Variants in NFAT5 observed in about 807,000 individuals in gnomAD.
NFAT5 encodes nuclear factor of activated T cells 5, also known as nuclear factor of activated T-cells 5.
NFAT5 carries 31 observed loss-of-function variants against 166.5 expected under a neutral mutation model. That is an observed-to-expected ratio of 0.19 (90% CI 0.14 to 0.25). NFAT5 has a LOEUF of 0.25. Ranked by LOEUF, NFAT5 falls within the 10% of genes least tolerant of loss-of-function variation. The pLI, the probability that NFAT5 is intolerant of heterozygous loss-of-function variation, is 1.00. For missense variants in NFAT5, 1,449 were observed against 1,821.8 expected, an observed-to-expected ratio of 0.80 and a Z score of 3.72; for synonymous variants, 612 against 639.7, an observed-to-expected ratio of 0.96 and a Z score of 0.65.
intron 6 of NFAT5, among the ~76,000 whole-genome samples, chr16:69,659,145 A>T (rs79450542): frequency 0.16 from 24,351 of 149,104 alleles, 2,117 homozygotes; most frequent in East Asian, 0.36. Context: ...TTTTTTTTTT[A>T]AAAAAAAGGT....
intron 3 of NFAT5, among the ~76,000 whole-genome samples, chr16:69,642,644 C>T (rs1307212097): frequency 6.6e-6 from 1 of 151,622 alleles, no homozygotes; most frequent in Non-Finnish European, 1.5e-5. Context: ...TATGGTGAAA[C>T]TATCTCTACT....
intron 2 of NFAT5, among the ~76,000 whole-genome samples, chr16:69,618,760 C>A (rs896490222): frequency 6.6e-6 from 1 of 151,794 alleles, no homozygotes; most frequent in Admixed American, 6.6e-5. Flanking sequence ...AAAGTAAAAT[C>A]TAATATTTAA....
chr16:69,569,755 A>G (rs1023861794), intron 2 of NFAT5, among the ~76,000 whole-genome samples: 6 of 152,204 alleles, frequency 3.9e-5, no homozygotes, highest in Non-Finnish European at 8.8e-5. Flanking sequence ...TTTTAACAGT[A>G]TAATTTAGAG....
chr16:69,624,331 G>A (rs918370988), intron 2 of NFAT5, among the ~76,000 whole-genome samples: 9 of 151,212 alleles, frequency 6.0e-5, no homozygotes, highest in Admixed American at 2.6e-4. Context: ...TCGGCCTCCC[G>A]AGTAGCTGGG....
At chr16:69,611,031 A>G (rs1178927288) in intron 2 of NFAT5, among the ~76,000 whole-genome samples, 1 of 152,178 alleles carries the variant, frequency 6.6e-6, no homozygotes, top group African/African-American at 2.4e-5. Context: ...ATGGTGACAA[A>G]ATTAGTTTTT....
At chr16:69,662,696 G>A (rs1309820413) in intron 7 of NFAT5, among the ~76,000 whole-genome samples, 3 of 151,970 alleles carry the variant, frequency 2.0e-5, no homozygotes, top group African/African-American at 7.3e-5. Context: ...TCCTGAGCTC[G>A]TGATCTGCCT....
At chr16:69,664,627 G>A (rs2036286170) in intron 7 of NFAT5, among the ~76,000 whole-genome samples, 3 of 152,104 alleles carry the variant, frequency 2.0e-5, no homozygotes, top group Admixed American at 6.6e-5. Flanking sequence ...GCATCTAAAA[G>A]CACACAGTTT....
At chr16:69,611,556 A>G (rs1372466157) in intron 2 of NFAT5, among the ~76,000 whole-genome samples, 2 of 152,218 alleles carry the variant, frequency 1.3e-5, no homozygotes. Flanking sequence ...AGTCTGCAGT[A>G]TGGAGTCTGG....
chr16:69,582,556 C>G (rs1489562972), intron 2 of NFAT5, among the ~76,000 whole-genome samples: 1 of 150,998 alleles, frequency 6.6e-6, no homozygotes, highest in Non-Finnish European at 1.5e-5. Context: ...AAGAGCCTAA[C>G]AGCTTCATTG....
intron 7 of NFAT5, among the ~76,000 whole-genome samples, chr16:69,661,539 TAAAAA>T (rs1037382239): frequency 9.0e-4 from 34 of 37,930 alleles, no homozygotes; most frequent in Admixed American, 2.9e-3. Flanking sequence ...CCCAGTCTCT[TAAAAA>T]AAAAAAAAAA....
intron 2 of NFAT5, among the ~76,000 whole-genome samples, chr16:69,617,569 C>T (rs1362921905): frequency 2.6e-5 from 4 of 151,606 alleles, no homozygotes. Flanking sequence ...TGGCTCACTG[C>T]AGCCTTGACC....
chr16:69,657,233 C>T lies in NFAT5; in HGVS notation c.1196+1434C>T, dbSNP rs189360458. The stretch of plus-strand genomic sequence containing the variant: ...GCAACCTCCACCTCCTGGGTTCAAG[C>T]GATTCTCCTCCCTCAGCCTCCCGAG... On this transcript the variant is annotated intron_variant, in intron 6 of 14. Coordinates refer to ENST00000349945, the MANE Select transcript of NFAT5 (RefSeq NM_138713.4). 2.3e-3 allele frequency among the ~76,000 whole-genome samples: 344 copies of T among 151,504 alleles called. 2 individuals are homozygous for T. The highest frequency in any genetic ancestry group is 5.8e-3 in the South Asian group (28 of 4,792).
rs781659773 is a variant in NFAT5, at chr16:69,647,454, G to A, written c.680G>A (p.Arg227Lys). ...TCACGAAAACGAAATCCAAAGCAGA[G>A]GCCGGGGGTCAAACGACGAGATTGT... ...RKSRKRNPKQ[R>K]PGVKRRDCEE... is the part of the protein sequence containing the mutation. The change falls in exon 4 of 15, where the codon AGG becomes AAG. Residue 227 changes from arginine (R) to lysine (K), a missense_variant. Transcript: ENST00000349945. The surrounding 1 kb of genome is among the most constrained non-coding windows in gnomAD (Gnocchi z 4.8). The A allele has an allele frequency of 1.9e-6, 3 of 1,614,060 alleles. No homozygotes were observed. Among genetic ancestry groups the A allele is most frequent in the East Asian group, 4.5e-5 (2 of 44,888 alleles).
intron 3 of NFAT5, among the ~76,000 whole-genome samples, chr16:69,644,643 C>T (rs189789848): frequency 4.6e-5 from 7 of 152,150 alleles, no homozygotes; most frequent in East Asian, 1.9e-4. Flanking sequence ...ATAATCATTA[C>T]GGTTTTGATA....
intron 10 of NFAT5, among the ~76,000 whole-genome samples, chr16:69,684,653 A>T (rs2037213402): frequency 6.6e-6 from 1 of 151,992 alleles, no homozygotes; most frequent in South Asian, 2.1e-4. Context: ...AAGTGCTGGG[A>T]TTACAGACGT....
At position 69,566,516 on chromosome 16, in the gene NFAT5, G is replaced by C. The variant is rs2016047377; in HGVS notation, c.73+142G>C. The C allele has an allele frequency of 8.1e-6, 6 of 736,900 alleles. No individual in the cohort carries two copies. The East Asian group carries it at 1.6e-4, about 20-fold the overall frequency. 45.6% of individuals were successfully genotyped at this position (736,900 alleles called of 1,614,324 possible). A position where few individuals can be genotyped will look rare whatever the true frequency, so the allele number is the denominator to read the frequency against. ...ATGGCTTCTTTGGCCGGAGCGGGCA[G>C]AGGCCGAAGGGATCGGGGTGACGGT... On this transcript the variant is annotated intron_variant, in intron 1 of 14. Transcript: ENST00000349945. The surrounding 1 kb of genome is among the most constrained non-coding windows in gnomAD (Gnocchi z 5.7).
intron 2 of NFAT5, among the ~76,000 whole-genome samples, chr16:69,609,819 G>GAAAAAAAA (rs1157655325): frequency 8.4e-4 from 63 of 75,140 alleles, no homozygotes; most frequent in Non-Finnish European, 9.3e-4. Flanking sequence ...TGTCTCTACT[G>GAAAAAAAA]AAAAAAAAAA....
At chr16:69,643,935 T>C (rs2035326317) in intron 3 of NFAT5, among the ~76,000 whole-genome samples, 1 of 152,216 alleles carries the variant, frequency 6.6e-6, no homozygotes, top group African/African-American at 2.4e-5. Flanking sequence ...ATGTAATGTT[T>C]TGATGTGAAA....
intron 3 of NFAT5, among the ~76,000 whole-genome samples, chr16:69,640,895 C>T (rs565753990): frequency 5.3e-5 from 8 of 151,710 alleles, no homozygotes; most frequent in African/African-American, 1.5e-4. Flanking sequence ...GCAGAAGAAT[C>T]GCTTGACTCT....
Sources: gnomAD v4.1 joint callset for allele counts (sites outside exome capture counted in the v4.1 genomes callset) on GRCh38, gnomAD v4.1.1 for gene constraint, Gnocchi (gnomAD v3.1) non-coding constraint, MANE v1.5 for transcripts, NCBI Gene and HGNC (gene_info 2026-07-23, HGNC 2026-07-21) for gene names.